Variants in PRRC2B observed in about 807,000 individuals in gnomAD.
PRRC2B encodes the protein protein PRRC2B.
A neutral mutation model predicts 242.3 loss-of-function variants in PRRC2B; 68 were observed. The observed-to-expected ratio is 0.28, with a 90% confidence interval of 0.23 to 0.34. PRRC2B has a LOEUF of 0.34. Ranked by LOEUF, PRRC2B falls within the 10% of genes least tolerant of loss-of-function variation. PRRC2B has a pLI of 1.00. For missense variants in PRRC2B, 2,835 were observed against 2,954.8 expected, an observed-to-expected ratio of 0.96 and a Z score of 0.94; for synonymous variants, 1,228 against 1,173.6, an observed-to-expected ratio of 1.05 and a Z score of -0.95.
intron 1 of PRRC2B, among the ~76,000 whole-genome samples, chr9:131,404,814 G>A (rs1837323852): frequency 6.6e-6 from 1 of 152,204 alleles, no homozygotes; most frequent in Non-Finnish European, 1.5e-5. Context: ...TCTCCTACTG[G>A]TGGACATTTG....
chr9:131,426,599 C>G (rs1837983265), intron 1 of PRRC2B, among the ~76,000 whole-genome samples: 1 of 152,056 alleles, frequency 6.6e-6, no homozygotes, highest in African/African-American at 2.4e-5. Context: ...GCAGCCAGGT[C>G]ATGGGCACCG....
At position 131,486,176 on chromosome 9, in the gene PRRC2B, C is replaced by T. The variant is rs775759224; in HGVS notation, c.5850C>T (p.Tyr1950=). The T allele has an allele frequency of 1.6e-5, 26 of 1,609,252 alleles. No individual in the cohort carries two copies. The East Asian group carries it at 4.9e-4, about 30-fold the overall frequency. ...VPQTIPQQQS[Y]QQAAAAQQIP... ...AAACGATACCTCAGCAGCAGAGTTA[C>T]CAACAGGTGACAGCAGCTAGCCAGG... Residue 1950 remains tyrosine, a synonymous_variant, in exon 26 of 32, where the codon TAC becomes TAT. Coordinates refer to ENST00000683519, the MANE Select transcript of PRRC2B (RefSeq NM_013318.4).
At chr9:131,492,621 A>AG (rs1327532693) in intron 30 of PRRC2B, among the ~76,000 whole-genome samples, 1 of 152,208 alleles carries the variant, frequency 6.6e-6, no homozygotes, top group Non-Finnish European at 1.5e-5. Flanking sequence ...CATCCTGGCA[A>AG]GGGGAGGAGC....
In PRRC2B at chr9:131,462,836, T is replaced by TGAAA. The variant is rs1554763506; in HGVS notation, c.1405-1927_1405-1926insGAAA. Among the ~76,000 whole-genome samples, 62 of 81,936 alleles carry TGAAA rather than the reference T, an allele frequency of 7.6e-4. 1 individual carries two copies. In the Middle Eastern group the frequency reaches 0.023, roughly 31 times the overall value. 53.8% of individuals were successfully genotyped at this position (81,936 alleles called of 152,430 possible). ...CTGGGTGACAGAGTGAGACTCCGTC[T>TGAAA]AAAAAAAAAAAAAAAAAAAAGGTCT... On this transcript the variant is annotated intron_variant, in intron 11 of 31. Coordinates refer to ENST00000683519, the MANE Select transcript of PRRC2B (RefSeq NM_013318.4).
chr9:131,420,495 T>TC (rs1554758641), intron 1 of PRRC2B, among the ~76,000 whole-genome samples: 20 of 79,878 alleles, frequency 2.5e-4, no homozygotes, highest in Admixed American at 5.0e-4. Flanking sequence ...CTTTCTTTCT[T>TC]TTTTTTTTTT....
chr9:131,479,851 C>T (rs1213238190), intron 19 of PRRC2B, among the ~76,000 whole-genome samples: 1 of 152,140 alleles, frequency 6.6e-6, no homozygotes, highest in Non-Finnish European at 1.5e-5. Context: ...GAATGCTCTT[C>T]TGGAAAGGCA....
chr9:131,462,766 A>G (rs1390343521), intron 11 of PRRC2B, among the ~76,000 whole-genome samples: 1 of 143,520 alleles, frequency 7.0e-6, no homozygotes, highest in Non-Finnish European at 1.5e-5. Context: ...TGAATCTGGG[A>G]AGCAGAGGTT....
At chr9:131,379,161 G>T (rs1007555670) in intron 1 of PRRC2B, among the ~76,000 whole-genome samples, 1 of 152,178 alleles carries the variant, frequency 6.6e-6, no homozygotes, top group Non-Finnish European at 1.5e-5. Context: ...CCATGTGTCA[G>T]CACTTCTTTC....
chr9:131,412,104 G>A (rs1837522695), intron 1 of PRRC2B, among the ~76,000 whole-genome samples: 1 of 152,088 alleles, frequency 6.6e-6, no homozygotes, highest in South Asian at 2.1e-4. Flanking sequence ...ACTGTACCTG[G>A]CCTGAATTTT....
chr9:131,485,444 G>A (rs1347674226), intron 25 of PRRC2B, among the ~76,000 whole-genome samples: 2 of 152,126 alleles, frequency 1.3e-5, no homozygotes, highest in Non-Finnish European at 2.9e-5. Context: ...GTGTCGCCTC[G>A]GCTGGTGAGC....
At chr9:131,393,910 C>T (rs1213396326), upstream of PRRC2B, among the ~76,000 whole-genome samples, 3 of 151,300 alleles carry the variant, frequency 2.0e-5, no homozygotes, top group Non-Finnish European at 4.4e-5. Context: ...GCCCCTCCCC[C>T]CTGGCCCCAG....
chr9:131,443,224 C>A (rs988919778), intron 5 of PRRC2B, among the ~76,000 whole-genome samples: 1 of 151,758 alleles, frequency 6.6e-6, no homozygotes, highest in African/African-American at 2.4e-5. Flanking sequence ...AGCTCCATCT[C>A]CTGGGTTCAC....
chr9:131,464,089 A>G (rs545571272), intron 11 of PRRC2B, among the ~76,000 whole-genome samples: 6 of 151,228 alleles, frequency 4.0e-5, no homozygotes, highest in Admixed American at 6.6e-5. Context: ...CTACAGGTGC[A>G]CTCCGCCATG....
chr9:131,387,983 G>T (rs1836846292), intron 1 of PRRC2B, among the ~76,000 whole-genome samples: 1 of 150,454 alleles, frequency 6.6e-6, no homozygotes, highest in South Asian at 2.1e-4. Flanking sequence ...TTGAGGCCAG[G>T]AGTTCAAGAC....
intron 9 of PRRC2B, among the ~76,000 whole-genome samples, chr9:131,454,593 A>G (rs1262954348): frequency 1.3e-5 from 2 of 151,630 alleles, no homozygotes; most frequent in Admixed American, 6.6e-5. Flanking sequence ...TTCTGGCCAA[A>G]AGAACCTCTC....
intron 16 of PRRC2B, 67 bp downstream of exon 16, chr9:131,476,602 G>A (rs753129035): frequency 2.4e-4 from 338 of 1,430,532 alleles, no homozygotes; most frequent in Non-Finnish European, 3.0e-4. Flanking sequence ...CTGAGTTCAC[G>A]CATGCATGCC....
intron 28 of PRRC2B, among the ~76,000 whole-genome samples, chr9:131,489,504 C>T (rs994650024): frequency 3.3e-5 from 5 of 152,048 alleles, no homozygotes; most frequent in South Asian, 4.1e-4. Context: ...TTTTTGTCAT[C>T]CTCCCCCTTG....
At chr9:131,378,412 G>A (rs963453395) in intron 1 of PRRC2B, among the ~76,000 whole-genome samples, 6 of 152,028 alleles carry the variant, frequency 3.9e-5, no homozygotes, top group Admixed American at 3.9e-4. Context: ...GACCATAGCT[G>A]GAGGGGGAAT....
chr9:131,382,568 G>T (rs967313964), intron 1 of PRRC2B, among the ~76,000 whole-genome samples: 17 of 152,130 alleles, frequency 1.1e-4, no homozygotes, highest in African/African-American at 3.6e-4. Flanking sequence ...GTGAGCTTCT[G>T]GGTCTGTGCA....
Sources: gnomAD v4.1 joint callset for allele counts (sites outside exome capture counted in the v4.1 genomes callset) on GRCh38, gnomAD v4.1.1 for gene constraint, MANE v1.5 for transcripts, NCBI Gene and HGNC (gene_info 2026-07-23, HGNC 2026-07-21) for gene names.